Variants in VEPH1 observed in about 807,000 individuals in gnomAD.
VEPH1 encodes the protein ventricular zone expressed PH domain containing 1, also known as ventricular zone-expressed PH domain-containing protein homolog 1.
In VEPH1, 80 loss-of-function variants were observed where a neutral mutation model predicts 85.2. The ratio of observed to expected loss-of-function variants is 0.94; its 90% CI spans 0.78 to 1.13. VEPH1 has a LOEUF of 1.13. Among genes scored for constraint, VEPH1 ranks in the 50% most tolerant of loss-of-function variants. VEPH1 has a pLI of 0.00. For missense variants in VEPH1, 955 were observed against 980.5 expected (o/e 0.97, Z 0.35); for synonymous variants, 297 against 348.0 (o/e 0.85, Z 1.63).
At chr3:157,377,889 A>G (rs1396834617) in intron 7 of VEPH1, among the ~76,000 whole-genome samples, 2 of 150,784 alleles carry the variant, frequency 1.3e-5, no homozygotes, top group Non-Finnish European at 2.9e-5. Context: ...TAAGATGCCT[A>G]TGTAACACAC....
intron 9 of VEPH1, among the ~76,000 whole-genome samples, chr3:157,317,741 A>C (rs553303237): frequency 1.3e-5 from 2 of 152,298 alleles, no homozygotes; most frequent in African/African-American, 2.4e-5. Context: ...TCTTAATGAG[A>C]TTATCCTTTA....
At chr3:157,487,635 C>T (rs1438879999) in intron 2 of VEPH1, among the ~76,000 whole-genome samples, 3 of 152,058 alleles carry the variant, frequency 2.0e-5, no homozygotes, top group Non-Finnish European at 2.9e-5. Context: ...AATTAAAGAC[C>T]AATCTCATAT....
intron 9 of VEPH1, among the ~76,000 whole-genome samples, chr3:157,359,662 T>C (rs1725824152): frequency 6.6e-6 from 1 of 152,198 alleles, no homozygotes. Flanking sequence ...ATGAATGCTA[T>C]TTGTGACCCT....
At chr3:157,369,550 C>T (rs1727247776) in intron 7 of VEPH1, among the ~76,000 whole-genome samples, 1 of 152,144 alleles carries the variant, frequency 6.6e-6, no homozygotes, top group African/African-American at 2.4e-5. Flanking sequence ...CAGCCAAGGT[C>T]TCCAGATGGG....
At chr3:157,261,680 CG>C (rs750351315) in intron 13 of VEPH1, among the ~76,000 whole-genome samples, 65 of 152,162 alleles carry the variant, frequency 4.3e-4, no homozygotes, top group Non-Finnish European at 7.5e-4. Flanking sequence ...CAAGGTGCAA[CG>C]GTACAATTTG....
chr3:157,423,913 AT>A (rs147202683), intron 5 of VEPH1, among the ~76,000 whole-genome samples: 3 of 151,712 alleles, frequency 2.0e-5, no homozygotes, highest in East Asian at 1.9e-4. Flanking sequence ...TTAAGCATTG[AT>A]TTTTTTTTCA....
chr3:157,368,770 C>T (rs1727049657), intron 7 of VEPH1, among the ~76,000 whole-genome samples: 1 of 152,012 alleles, frequency 6.6e-6, no homozygotes, highest in African/African-American at 2.4e-5. Context: ...GGATTACAGG[C>T]GTGAGCCACC....
intron 4 of VEPH1, chr3:157,442,323 T>C (rs371415794): frequency 9.7e-6 from 14 of 1,440,080 alleles, no homozygotes; most frequent in South Asian, 1.3e-5. Context: ...CTGAATTAAT[T>C]TATATTTTCT....
chr3:157,445,938 A>G (rs768781222), intron 4 of VEPH1, among the ~76,000 whole-genome samples: 2 of 152,228 alleles, frequency 1.3e-5, no homozygotes, highest in Non-Finnish European at 2.9e-5. Context: ...ACAACTAAGC[A>G]ATAACATTTA....
intron 9 of VEPH1, among the ~76,000 whole-genome samples, chr3:157,323,880 A>G (rs1721616666): frequency 6.6e-6 from 1 of 152,184 alleles, no homozygotes; most frequent in Non-Finnish European, 1.5e-5. Flanking sequence ...TAGATCAACC[A>G]TCGACAGTGA....
chr3:157,341,071 G>A (rs1723498914), intron 9 of VEPH1, among the ~76,000 whole-genome samples: 1 of 152,020 alleles, frequency 6.6e-6, no homozygotes, highest in South Asian at 2.1e-4. Flanking sequence ...ACAAAGATGG[G>A]GAAAAAAACA....
At chr3:157,380,173 C>A (rs73156774) in intron 7 of VEPH1, among the ~76,000 whole-genome samples, 12,856 of 152,150 alleles carry the variant, frequency 0.084, 781 homozygotes, top group African/African-American at 0.17. Flanking sequence ...ACACCAATGG[C>A]AGCTTCCTCA....
Position 157,290,029 on chromosome 3 carries a change from TACACAAACACACACAC to T in VEPH1, c.2011-3371_2011-3356del, listed in dbSNP as rs747885614. ...TAGGATATCAATTCCGTTGTTATTA[TACACAAACACACACAC>T]ACACACACACACACACACACACACA... On this transcript the variant is annotated intron_variant, in intron 11 of 13. Transcript: ENST00000362010. 7.0e-5 allele frequency among the ~76,000 whole-genome samples: 8 copies of T among 114,874 alleles called. No individual in the cohort carries two copies. In the Admixed American group the frequency reaches 7.7e-4, roughly 11 times the overall value. 75.4% of individuals were successfully genotyped at this position (114,874 alleles called of 152,430 possible).
intron 9 of VEPH1, among the ~76,000 whole-genome samples, chr3:157,359,204 C>T (rs896688891): frequency 6.6e-6 from 1 of 152,172 alleles, no homozygotes; most frequent in African/African-American, 2.4e-5. Flanking sequence ...TATAGAACTT[C>T]AGTTATGGGC....
intron 12 of VEPH1, 104 bp downstream of exon 12, chr3:157,286,453 T>C (rs1716779346): frequency 1.2e-6 from 1 of 848,942 alleles, no homozygotes; most frequent in Non-Finnish European, 2.0e-6. Context: ...TTATTACAAC[T>C]GGGGATGTTT....
At chr3:157,316,007 T>C (rs1720715097) in intron 10 of VEPH1, 1 of 152,082 alleles carries the variant, frequency 6.6e-6, no homozygotes, top group South Asian at 2.1e-4. Context: ...CTCTATGAGA[T>C]GTTATTAAAT....
intron 4 of VEPH1, among the ~76,000 whole-genome samples, chr3:157,436,326 A>G (rs181915848): frequency 6.6e-6 from 1 of 152,276 alleles, no homozygotes; most frequent in Admixed American, 6.5e-5. Context: ...CTCAAGTATT[A>G]AAGACAAGAT....
rs1437877573 is a variant in VEPH1 at position 157,436,862 on chromosome 3, C to T, written c.530-8374G>A. 4 of 1,543,660 alleles carry T rather than the reference C, an allele frequency of 2.6e-6. No individual in the cohort carries two copies. In the East Asian group the frequency reaches 6.8e-5, roughly 26 times the overall value. On this transcript the variant is annotated intron_variant, in intron 4 of 13. Coordinates refer to ENST00000362010, the MANE Select transcript of VEPH1 (RefSeq NM_001167912.2). ...GCTCCAGCCTCTCACTCTCACTCTC[C>T]TCCGCTCAAACTCAGCTCACTTGAG...
At chr3:157,410,683 T>G (rs1046594139) in intron 6 of VEPH1, among the ~76,000 whole-genome samples, 2 of 152,158 alleles carry the variant, frequency 1.3e-5, no homozygotes, top group Admixed American at 1.3e-4. Flanking sequence ...ATTTCAGGCA[T>G]TACAAATAAT....
Sources: allele counts gnomAD v4.1 joint callset (sites outside exome capture counted in the v4.1 genomes callset), GRCh38; gene constraint gnomAD v4.1.1; transcripts MANE v1.5; gene names NCBI Gene and HGNC (gene_info 2026-07-23, HGNC 2026-07-21).